Variants in DIAPH3 observed in about 807,000 individuals in gnomAD.
DIAPH3 encodes protein diaphanous homolog 3.
In DIAPH3, 117 loss-of-function variants were observed where a neutral mutation model predicts 144.3. The observed-to-expected ratio is 0.81, with a 90% CI of 0.70 to 0.95. DIAPH3 has a LOEUF of 0.95. Ranked by LOEUF, DIAPH3 falls within the 40% of genes least tolerant of loss-of-function variation. The pLI is 0.00. For synonymous variants in DIAPH3, 519 were observed against 488.9 expected (o/e 1.06, Z -0.81); for missense variants, 1,421 against 1,412.7 (o/e 1.01, Z -0.09).
At chr13:59,676,757 T>G (rs1367339264) in intron 27 of DIAPH3, among the ~76,000 whole-genome samples, 1 of 152,232 alleles carries the variant, frequency 6.6e-6, no homozygotes, top group African/African-American at 2.4e-5. Context: ...AATTTCCATG[T>G]AGACTTAATA....
intron 18 of DIAPH3, among the ~76,000 whole-genome samples, chr13:59,921,081 A>C (rs1485808228): frequency 6.6e-6 from 1 of 151,634 alleles, no homozygotes; most frequent in Non-Finnish European, 1.5e-5. Flanking sequence ...AATATATGGG[A>C]TATAGCAAAA....
chr13:59,735,445 T>C (rs1305090626), intron 27 of DIAPH3, among the ~76,000 whole-genome samples: 1 of 152,182 alleles, frequency 6.6e-6, no homozygotes, highest in East Asian at 1.9e-4. Flanking sequence ...TCTGGATACA[T>C]TTGACATCGT....
At chr13:60,026,546 A>C (rs568044589) in intron 5 of DIAPH3, among the ~76,000 whole-genome samples, 11 of 152,266 alleles carry the variant, frequency 7.2e-5, no homozygotes, top group African/African-American at 2.6e-4. Context: ...TGCCCACTCC[A>C]AGAAAAGGTC....
intron 4 of DIAPH3, among the ~76,000 whole-genome samples, chr13:60,061,475 G>A (rs1182069818): frequency 6.6e-6 from 1 of 151,698 alleles, no homozygotes; most frequent in Non-Finnish European, 1.5e-5. Flanking sequence ...AGGTTACAGA[G>A]ACAAAGAGGC....
chr13:60,132,945 G>A lies in DIAPH3; in HGVS notation c.213+12C>T. ...CAATTCATAACAAAGGAAAAGTTGA[G>A]GATAATCTTACCATATCATCCGTCA... On this transcript the variant is annotated intron_variant, in intron 2 of 27. Coordinates refer to ENST00000400324, the MANE Select transcript of DIAPH3 (RefSeq NM_001042517.2). The A allele has an allele frequency of 6.2e-7, 1 of 1,604,576 alleles. No homozygotes were observed. Among genetic ancestry groups the A allele is most frequent in the Non-Finnish European group, 8.5e-7 (1 of 1,172,420 alleles).
At chr13:59,860,121 T>C (rs551183836) in intron 22 of DIAPH3, among the ~76,000 whole-genome samples, 1 of 152,282 alleles carries the variant, frequency 6.6e-6, no homozygotes, top group Admixed American at 6.5e-5. Flanking sequence ...AATCACATGC[T>C]TCTTTGTCAA....
chr13:60,110,621 T>A (rs1056053368), intron 3 of DIAPH3, among the ~76,000 whole-genome samples: 5 of 152,172 alleles, frequency 3.3e-5, no homozygotes, highest in African/African-American at 1.2e-4. Flanking sequence ...CTGTTTCTTA[T>A]TTTTTAAAAA....
At chr13:59,997,596 C>T (rs2052283934) in intron 9 of DIAPH3, among the ~76,000 whole-genome samples, 1 of 151,864 alleles carries the variant, frequency 6.6e-6, no homozygotes, top group Non-Finnish European at 1.5e-5. Flanking sequence ...ACCTTTGGTT[C>T]CCTGACCCTT....
chr13:59,984,246 T>A (rs527808646), intron 12 of DIAPH3, among the ~76,000 whole-genome samples: 1 of 151,804 alleles, frequency 6.6e-6, no homozygotes, highest in East Asian at 1.9e-4. Context: ...TAGCTATCAT[T>A]AATTCACTTC....
intron 27 of DIAPH3, among the ~76,000 whole-genome samples, chr13:59,700,217 T>A (rs2034026514): frequency 6.6e-6 from 1 of 152,168 alleles, no homozygotes; most frequent in African/African-American, 2.4e-5. Context: ...ATGATGTATC[T>A]CCCCATAGTA....
intron 17 of DIAPH3, among the ~76,000 whole-genome samples, chr13:59,942,909 T>G (rs143357512): frequency 5.3e-4 from 80 of 152,324 alleles, no homozygotes; most frequent in Admixed American, 4.1e-3. Context: ...CCTGGTACCA[T>G]AATTTGGCTA....
intron 4 of DIAPH3, among the ~76,000 whole-genome samples, chr13:60,084,972 T>C (rs966598359): frequency 1.3e-5 from 2 of 152,086 alleles, no homozygotes; most frequent in Non-Finnish European, 2.9e-5. Flanking sequence ...TAAGTATGTA[T>C]AGAATTTATG....
At chr13:59,752,683 A>G (rs572172641) in intron 27 of DIAPH3, among the ~76,000 whole-genome samples, 1 of 152,168 alleles carries the variant, frequency 6.6e-6, no homozygotes, top group Non-Finnish European at 1.5e-5. Context: ...AGTCATTTTA[A>G]AGCTTCAGTC....
At chr13:59,796,272 G>A (rs1349773157) in intron 25 of DIAPH3, among the ~76,000 whole-genome samples, 1 of 152,120 alleles carries the variant, frequency 6.6e-6, no homozygotes, top group Non-Finnish European at 1.5e-5. Flanking sequence ...TCAGAACCTC[G>A]ATCACGGGAG....
intron 2 of DIAPH3, among the ~76,000 whole-genome samples, chr13:60,113,853 T>C (rs955647661): frequency 6.6e-6 from 1 of 152,210 alleles, no homozygotes; most frequent in African/African-American, 2.4e-5. Context: ...GAGCCCCACA[T>C]GAAGCCCCAG....
At chr13:59,835,097 G>T (rs1326095600) in intron 23 of DIAPH3, among the ~76,000 whole-genome samples, 1 of 151,712 alleles carries the variant, frequency 6.6e-6, no homozygotes, top group Non-Finnish European at 1.5e-5. Flanking sequence ...TGTCACTGAG[G>T]ATGCCCATAA....
intron 25 of DIAPH3, among the ~76,000 whole-genome samples, chr13:59,800,799 C>A (rs980280683): frequency 6.6e-6 from 1 of 152,126 alleles, no homozygotes; most frequent in African/African-American, 2.4e-5. Flanking sequence ...CGATCATAAA[C>A]AATATTTTCA....
chr13:60,057,997 G>A (rs1488789558), intron 4 of DIAPH3, among the ~76,000 whole-genome samples: 2 of 151,760 alleles, frequency 1.3e-5, no homozygotes, highest in Non-Finnish European at 2.9e-5. Flanking sequence ...AATAATTTAT[G>A]AGTGAGACCC....
chr13:60,159,635 AAAAG>A (rs958660467), intron 1 of DIAPH3, among the ~76,000 whole-genome samples: 6 of 151,898 alleles, frequency 4.0e-5, no homozygotes, highest in Non-Finnish European at 7.4e-5. Context: ...CAAAAAAAAA[AAAAG>A]AAAGAAAGAA....
Sources: allele counts gnomAD v4.1 joint callset (sites outside exome capture counted in the v4.1 genomes callset), GRCh38; gene constraint gnomAD v4.1.1; transcripts MANE v1.5; gene names NCBI Gene and HGNC (gene_info 2026-07-23, HGNC 2026-07-21).